The following HYCC2 variants were observed in gnomAD, a reference collection of about 807,000 sequenced individuals.
The protein encoded by HYCC2 is hyccin PI4KA lipid kinase complex subunit 2, also known as hyccin 2.
At chr2:201,065,808 T>C in the HYCC2 span, among the ~76,000 whole-genome samples, 1 of 152,138 alleles carries the variant, frequency 6.6e-6, no homozygotes. Context: ...GGCAATTACA[T>C]GTATAGAATA....
the HYCC2 span, among the ~76,000 whole-genome samples, chr2:201,026,139 A>G: frequency 6.6e-6 from 1 of 152,208 alleles, no homozygotes; most frequent in African/African-American, 2.4e-5. Flanking sequence ...GCAAATGGAA[A>G]ACAAAAAAAG....
chr2:201,063,896 T>G, the HYCC2 span: 1 of 1,596,316 alleles, frequency 6.3e-7, no homozygotes, highest in Non-Finnish European at 8.5e-7. Context: ...CAAAAATCAG[T>G]CTTCAAATTT....
chr2:201,030,484 T>C, the HYCC2 span, among the ~76,000 whole-genome samples: 1 of 152,144 alleles, frequency 6.6e-6, no homozygotes, highest in Non-Finnish European at 1.5e-5. Context: ...AATATGTTAT[T>C]TAAATGTAGT....
At chr2:201,054,447 A>AT in the HYCC2 span, among the ~76,000 whole-genome samples, 1 of 152,244 alleles carries the variant, frequency 6.6e-6, no homozygotes, top group Non-Finnish European at 1.5e-5. Flanking sequence ...CCCTTTTGAC[A>AT]TAAACCTAGT....
chr2:200,989,569 T>C, the HYCC2 span, among the ~76,000 whole-genome samples: 5 of 152,070 alleles, frequency 3.3e-5, no homozygotes, highest in Non-Finnish European at 5.9e-5. Flanking sequence ...TCCCACCACT[T>C]TGAGAGGCTG....
the HYCC2 span, among the ~76,000 whole-genome samples, chr2:201,013,022 A>C: frequency 6.6e-6 from 1 of 152,004 alleles, no homozygotes; most frequent in Non-Finnish European, 1.5e-5. Context: ...TGAAAACTGC[A>C]GCAATCCTTT....
At chr2:200,997,300 A>G in the HYCC2 span, 2 of 576,248 alleles carry the variant, frequency 3.5e-6, no homozygotes, top group Non-Finnish European at 6.2e-6. Context: ...CCTCATGAGG[A>G]TAAGGACTCC....
At chr2:201,007,475 G>A in the HYCC2 span, among the ~76,000 whole-genome samples, 1 of 152,188 alleles carries the variant, frequency 6.6e-6, no homozygotes, top group Non-Finnish European at 1.5e-5. Context: ...GGTACTTGAA[G>A]TACAGTTTTT....
At chr2:201,013,033 T>C in the HYCC2 span, among the ~76,000 whole-genome samples, 1 of 151,902 alleles carries the variant, frequency 6.6e-6, no homozygotes, top group Non-Finnish European at 1.5e-5. Flanking sequence ...GCAATCCTTT[T>C]CCCCACTGTC....
At chr2:201,058,139 C>T in the HYCC2 span, among the ~76,000 whole-genome samples, 1 of 152,160 alleles carries the variant, frequency 6.6e-6, no homozygotes, top group South Asian at 2.1e-4. Context: ...TCTTCCAACA[C>T]TCAGACCAAC....
the HYCC2 span, among the ~76,000 whole-genome samples, chr2:201,043,960 T>A: frequency 1.3e-5 from 2 of 152,076 alleles, no homozygotes; most frequent in Non-Finnish European, 2.9e-5. Flanking sequence ...GCTCAAACAA[T>A]CCTCCCACCT....
the HYCC2 span, among the ~76,000 whole-genome samples, chr2:201,053,321 C>T: frequency 1.3e-5 from 2 of 152,058 alleles, no homozygotes; most frequent in Non-Finnish European, 2.9e-5. Flanking sequence ...CGGGGTTTCA[C>T]CATATTGGCC....
chr2:200,996,942 A>G, the HYCC2 span: 1 of 152,400 alleles, frequency 6.6e-6, no homozygotes, highest in Non-Finnish European at 1.5e-5. Flanking sequence ...CAGCTAGAAA[A>G]TATTTCTTTA....
the HYCC2 span, among the ~76,000 whole-genome samples, chr2:201,056,713 C>T: frequency 6.6e-6 from 1 of 151,898 alleles, no homozygotes; most frequent in Non-Finnish European, 1.5e-5. Flanking sequence ...CCATTTGGGC[C>T]TTAATATCCA....
At chr2:201,067,015 C>T in the HYCC2 span, 1 of 356,652 alleles carries the variant, frequency 2.8e-6, no homozygotes, top group Non-Finnish European at 5.5e-6. Flanking sequence ...TATTTGTGTT[C>T]ATTGTGGATG....
the HYCC2 span, among the ~76,000 whole-genome samples, chr2:201,028,770 G>A: frequency 6.6e-6 from 1 of 152,154 alleles, no homozygotes; most frequent in East Asian, 1.9e-4. Context: ...AATGTAGAAA[G>A]CTGAAACTGG....
At chr2:201,032,136 A>G in the HYCC2 span, among the ~76,000 whole-genome samples, 2 of 151,668 alleles carry the variant, frequency 1.3e-5, no homozygotes, top group Non-Finnish European at 2.9e-5. Flanking sequence ...AATTTTTTGT[A>G]TTTTTGGTAG....
the HYCC2 span, among the ~76,000 whole-genome samples, chr2:201,054,326 T>A: frequency 6.6e-6 from 1 of 152,212 alleles, no homozygotes; most frequent in East Asian, 1.9e-4. Flanking sequence ...TTGTATCATC[T>A]CATTGCAATA....
chr2:200,990,398 A>T, the HYCC2 span, among the ~76,000 whole-genome samples: 3 of 150,442 alleles, frequency 2.0e-5, no homozygotes, highest in Admixed American at 6.7e-5. Flanking sequence ...GGATATTTAC[A>T]TTTTTTTTTG....
Sources: gnomAD v4.1 joint callset for allele counts (sites outside exome capture counted in the v4.1 genomes callset) on GRCh38, gnomAD v4.1.1 for gene constraint, MANE v1.5 for transcripts, NCBI Gene and HGNC (gene_info 2026-07-23, HGNC 2026-07-21) for gene names.